HACD2: variants seen among roughly 807,000 people sequenced by gnomAD.
HACD2 encodes the protein very-long-chain (3R)-3-hydroxyacyl-CoA dehydratase 2.
In HACD2, 15 loss-of-function variants were observed where a neutral mutation model predicts 31.0. The ratio of observed to expected loss-of-function variants is 0.48; its 90% CI spans 0.32 to 0.75. HACD2 has a LOEUF of 0.75. HACD2 is among the 30% of genes least tolerant of loss of function. The pLI is 0.03. For synonymous variants in HACD2, 115 were observed against 122.2 expected (o/e 0.94, Z 0.39); for missense variants, 283 against 313.0 (o/e 0.90, Z 0.72).
chr3:123,582,215 C>CA lies in HACD2; in HGVS notation c.269dup (p.Leu90PhefsTer35). 1.3e-6 allele frequency: 2 copies of CA among 1,571,618 alleles called. No homozygotes were observed. Among genetic ancestry groups the CA allele is most frequent in the Non-Finnish European group, 1.7e-6 (2 of 1,155,760 alleles). ...AACAATAAATCTCAGGACCTACCTC[C>CA]AATAAGGCTCCAGTTTGAAAGAATT... is the stretch of plus-strand genomic sequence containing the variant. On this transcript the variant is annotated frameshift_variant, in exon 2 of 7. Coordinates refer to ENST00000383657, the MANE Select transcript of HACD2 (RefSeq NM_198402.5). LOFTEE classifies it high-confidence loss of function.
At chr3:123,578,848 C>T (rs1410955417) in intron 2 of HACD2, among the ~76,000 whole-genome samples, 1 of 152,198 alleles carries the variant, frequency 6.6e-6, no homozygotes, top group East Asian at 1.9e-4. Context: ...ATCAGGATAA[C>T]TTATGTGTAA....
At chr3:123,553,033 C>G (rs972008478) in intron 3 of HACD2, among the ~76,000 whole-genome samples, 2 of 151,988 alleles carry the variant, frequency 1.3e-5, no homozygotes, top group Admixed American at 6.6e-5. Context: ...AATAATGAAA[C>G]AGAAGTAAAA....
Position 123,518,521 on chromosome 3 carries a change from AGTTATTTAAAAGT to A in HACD2, c.381+9852_381+9864del, listed in dbSNP as rs532051941. Among the ~76,000 whole-genome samples the A allele has an allele frequency of 3.1e-4, 47 of 152,346 alleles. No individual in the cohort carries two copies. In the East Asian group the frequency reaches 6.8e-3, roughly 22 times the overall value. On this transcript the variant is annotated intron_variant, in intron 4 of 6. Transcript: ENST00000383657. ...AAAACTCTAAAGTTTTAAAAACTTT[AGTTATTTAAAAGT>A]GTTATTTAAAAGTCTGATTAGTTTT...
chr3:123,543,986 G>C (rs372673524), intron 3 of HACD2, among the ~76,000 whole-genome samples: 2 of 152,248 alleles, frequency 1.3e-5, no homozygotes. Flanking sequence ...ACTGTTTGGG[G>C]GTAACAACTC....
chr3:123,529,950 T>C (rs1013780400), intron 3 of HACD2, among the ~76,000 whole-genome samples: 1 of 152,162 alleles, frequency 6.6e-6, no homozygotes, highest in Admixed American at 6.5e-5. Flanking sequence ...AAAGCTCATA[T>C]ACTGCAAAAC....
intron 3 of HACD2, 68 bp downstream of exon 3, chr3:123,567,694 C>T (rs1162250515): frequency 2.1e-6 from 2 of 965,296 alleles, no homozygotes; most frequent in South Asian, 2.7e-5. Flanking sequence ...TCAATAAAGC[C>T]TATCATCTAT....
intron 5 of HACD2, 42 bp from the exon 6 acceptor site, chr3:123,500,735 G>C: frequency 1.4e-6 from 2 of 1,397,720 alleles, no homozygotes; most frequent in South Asian, 1.3e-5. Context: ...CTCAAAGTCA[G>C]CTTTAGAAGG....
chr3:123,568,939 G>A (rs935382077), intron 2 of HACD2, among the ~76,000 whole-genome samples: 1 of 152,086 alleles, frequency 6.6e-6, no homozygotes, highest in Non-Finnish European at 1.5e-5. Context: ...AAGAACTTAG[G>A]TTTTATTTCT....
intron 3 of HACD2, among the ~76,000 whole-genome samples, chr3:123,553,864 AACTT>A (rs1345452159): frequency 6.6e-6 from 1 of 151,896 alleles, no homozygotes; most frequent in Non-Finnish European, 1.5e-5. Flanking sequence ...AATGCTAACA[AACTT>A]ACTAGCTTGT....
intron 3 of HACD2, among the ~76,000 whole-genome samples, chr3:123,547,374 G>A (rs1229930588): frequency 6.6e-6 from 1 of 152,172 alleles, no homozygotes; most frequent in Non-Finnish European, 1.5e-5. Context: ...CTTCACAGTA[G>A]ATAAAGTACT....
At chr3:123,528,289 T>C in intron 4 of HACD2, 97 bp downstream of exon 4, 1 of 775,004 alleles carries the variant, frequency 1.3e-6, no homozygotes, top group Non-Finnish European at 2.3e-6. Context: ...CCTGGAACTC[T>C]GACCTGGAAC....
intron 1 of HACD2, 133 bp from the exon 2 acceptor site, chr3:123,582,462 G>A (rs973682583): frequency 1.9e-5 from 10 of 521,950 alleles, no homozygotes; most frequent in South Asian, 1.5e-4. Context: ...ATTTATGGAC[G>A]ATAGCTCTCA....
intron 4 of HACD2, among the ~76,000 whole-genome samples, chr3:123,511,697 C>A (rs2056065412): frequency 6.6e-6 from 1 of 152,168 alleles, no homozygotes; most frequent in Non-Finnish European, 1.5e-5. Flanking sequence ...AGTTAAAACA[C>A]AACATAAGAA....
At chr3:123,574,473 T>G (rs1402093074) in intron 2 of HACD2, among the ~76,000 whole-genome samples, 2 of 152,232 alleles carry the variant, frequency 1.3e-5, no homozygotes, top group African/African-American at 4.8e-5. Context: ...GTATTTTTAC[T>G]ATACTCTATT....
rs1275624402 is a variant in HACD2, at chr3:123,491,770, A to G, written c.*3118T>C. The G allele has an allele frequency of 6.6e-6, 1 of 152,652 alleles. No homozygotes were observed. Among genetic ancestry groups the G allele is most frequent in the Non-Finnish European group, 1.5e-5 (1 of 68,028 alleles). The allele number at this position is 152,652 out of a possible 1,614,324, so 9.5% of individuals were successfully genotyped here. A position where few individuals can be genotyped will look rare whatever the true frequency, so the allele number is the denominator to read the frequency against. On this transcript the variant is annotated 3_prime_UTR_variant, in exon 7 of 7. Transcript: ENST00000383657. ...TGAATCAAAGACTTATAAAATTACA[A>G]TTTTGGTTTTCACAACATAGAAAAA... is the stretch of plus-strand genomic sequence containing the variant.
intron 2 of HACD2, among the ~76,000 whole-genome samples, chr3:123,574,022 A>T (rs1203257941): frequency 2.6e-5 from 4 of 152,202 alleles, no homozygotes. Context: ...GAGAGAGGTT[A>T]AGATCAAGGT....
rs1270040014 is a variant in HACD2, at chr3:123,571,008, CTA to C, written c.274-3230_274-3229del. Reference sequence around the variant, plus strand: ...ATATGAAAGAAATACAATGAAATCCCTACATATCATGTGTCTCCAATAATTTA... The same window carrying C: ...ATATGAAAGAAATACAATGAAATCCCCATATCATGTGTCTCCAATAATTTA... On this transcript the variant is annotated intron_variant, in intron 2 of 6. Coordinates refer to ENST00000383657, the MANE Select transcript of HACD2 (RefSeq NM_198402.5). Among the ~76,000 whole-genome samples the C allele has an allele frequency of 3.3e-5, 5 of 151,258 alleles. No homozygotes were observed. The East Asian group carries it at 9.9e-4, about 30-fold the overall frequency.
chr3:123,576,922 A>G (rs547592642), intron 2 of HACD2, among the ~76,000 whole-genome samples: 1 of 152,312 alleles, frequency 6.6e-6, no homozygotes, highest in South Asian at 2.1e-4. Flanking sequence ...GAGCATTGTG[A>G]AGTGAGGTCT....
chr3:123,561,253 C>T (rs914905210), intron 3 of HACD2, among the ~76,000 whole-genome samples: 1 of 152,058 alleles, frequency 6.6e-6, no homozygotes, highest in East Asian at 1.9e-4. Context: ...CATACGCTAC[C>T]GATGAATATT....
Sources: allele counts gnomAD v4.1 joint callset (sites outside exome capture counted in the v4.1 genomes callset), GRCh38; gene constraint gnomAD v4.1.1; transcripts MANE v1.5; gene names NCBI Gene and HGNC (gene_info 2026-07-23, HGNC 2026-07-21).